Variants in TENM4 observed in about 807,000 individuals in gnomAD.
TENM4 encodes teneurin-4.
TENM4 carries 82 observed loss-of-function variants against 243.3 expected under a neutral mutation model. The ratio of observed to expected loss-of-function variants is 0.34; its 90% CI spans 0.28 to 0.40. TENM4 has a LOEUF of 0.40. Among genes scored for constraint, TENM4 ranks in the 10% least tolerant of loss-of-function variants. The pLI, the probability that TENM4 is intolerant of heterozygous loss-of-function variation, is 1.00. For missense variants in TENM4, 3,138 were observed against 3,673.3 expected (o/e 0.85, Z 3.77); for synonymous variants, 1,412 against 1,456.3 (o/e 0.97, Z 0.69).
intron 6 of TENM4, among the ~76,000 whole-genome samples, chr11:78,961,370 G>A (rs1483779774): frequency 6.6e-6 from 1 of 152,144 alleles, no homozygotes; most frequent in African/African-American, 2.4e-5. Context: ...ACTGGCCTCT[G>A]CTGGACAGAG....
chr11:79,123,320 AT>A (rs1482672013), intron 4 of TENM4, among the ~76,000 whole-genome samples: 1 of 152,168 alleles, frequency 6.6e-6, no homozygotes, highest in Non-Finnish European at 1.5e-5. Flanking sequence ...ATACTGAGAT[AT>A]TGAAAAGTTA....
chr11:79,002,689 C>T lies in TENM4; in HGVS notation c.493+62049G>A, dbSNP rs549483314. On this transcript the variant is annotated intron_variant, in intron 6 of 33. Transcript: ENST00000278550. ...CTTGAAAGACTGAAGGAACATCAGC[C>T]CACACAGATGAGAAAGAACTAGTGC... Among the ~76,000 whole-genome samples the T allele has an allele frequency of 1.1e-3, 170 of 152,236 alleles. 2 individuals carry two copies. The highest frequency in any genetic ancestry group is 3.8e-3 in the African/African-American group (158 of 41,530).
At chr11:79,390,333 G>A (rs953481690) in intron 1 of TENM4, among the ~76,000 whole-genome samples, 2 of 152,226 alleles carry the variant, frequency 1.3e-5, no homozygotes, top group African/African-American at 2.4e-5. Flanking sequence ...TAATGGGAAA[G>A]GGCTAGAGTC....
intron 7 of TENM4, among the ~76,000 whole-genome samples, chr11:78,901,558 G>C (rs1395607824): frequency 6.6e-6 from 1 of 152,038 alleles, no homozygotes; most frequent in Non-Finnish European, 1.5e-5. Context: ...CTCAGAATAG[G>C]AAGTTCTAAC....
At chr11:78,889,109 C>A (rs1166582378) in intron 9 of TENM4, among the ~76,000 whole-genome samples, 3 of 152,186 alleles carry the variant, frequency 2.0e-5, no homozygotes, top group African/African-American at 7.2e-5. Context: ...TCGGGAGGAG[C>A]TCCTTATATC....
intron 4 of TENM4, among the ~76,000 whole-genome samples, chr11:79,120,101 C>A (rs2137127871): frequency 6.6e-6 from 1 of 152,124 alleles, no homozygotes; most frequent in Non-Finnish European, 1.5e-5. Context: ...AGCACAAAGC[C>A]CTCATTGTTG....
At chr11:78,920,865 C>T (rs1200958849) in intron 6 of TENM4, among the ~76,000 whole-genome samples, 1 of 152,160 alleles carries the variant, frequency 6.6e-6, no homozygotes, top group Non-Finnish European at 1.5e-5. Context: ...TCAGGTCAAC[C>T]AAAGAGTGCA....
chr11:78,775,709 T>C (rs1489196652), intron 17 of TENM4, among the ~76,000 whole-genome samples: 1 of 152,204 alleles, frequency 6.6e-6, no homozygotes, highest in Non-Finnish European at 1.5e-5. Flanking sequence ...AACTCATCAA[T>C]AATTCAGACA....
intron 4 of TENM4, among the ~76,000 whole-genome samples, chr11:79,140,646 GA>G (rs1441894174): frequency 6.6e-6 from 1 of 152,116 alleles, no homozygotes; most frequent in East Asian, 1.9e-4. Context: ...GACCACCACA[GA>G]AGAAGTCTGC....
At chr11:78,873,840 T>A (rs1014015176) in intron 9 of TENM4, among the ~76,000 whole-genome samples, 12 of 152,114 alleles carry the variant, frequency 7.9e-5, no homozygotes, top group African/African-American at 2.4e-4. Flanking sequence ...TGTGTGGATT[T>A]CTCTGTCTCT....
intron 6 of TENM4, among the ~76,000 whole-genome samples, chr11:79,009,551 G>A (rs369317705): frequency 1.3e-5 from 2 of 152,152 alleles, no homozygotes; most frequent in African/African-American, 4.8e-5. Flanking sequence ...CTGAGATTCA[G>A]GTTCTTTAAT....
chr11:78,867,349 T>C (rs1309432304), intron 9 of TENM4, among the ~76,000 whole-genome samples: 2 of 152,176 alleles, frequency 1.3e-5, no homozygotes, highest in African/African-American at 2.4e-5. Flanking sequence ...TGAGTGAGAA[T>C]ACAGCAAAGT....
intron 6 of TENM4, among the ~76,000 whole-genome samples, chr11:78,907,688 G>C (rs978359718): frequency 5.3e-5 from 8 of 152,168 alleles, no homozygotes; most frequent in African/African-American, 1.9e-4. Flanking sequence ...AGCTGTGCCT[G>C]ATGCATGGTA....
intron 4 of TENM4, among the ~76,000 whole-genome samples, chr11:79,099,662 A>G (rs866457281): frequency 6.6e-5 from 10 of 152,306 alleles, no homozygotes; most frequent in South Asian, 2.1e-4. Flanking sequence ...CAGCTCTTCA[A>G]TGCTGACACC....
chr11:78,923,740 A>G (rs1424611195), intron 6 of TENM4, among the ~76,000 whole-genome samples: 1 of 114,140 alleles, frequency 8.8e-6, no homozygotes, highest in African/African-American at 3.2e-5. Context: ...GGGTTTCACC[A>G]TGTTGGCCAG....
chr11:79,220,711 T>C (rs1864139613), intron 2 of TENM4, among the ~76,000 whole-genome samples: 1 of 152,224 alleles, frequency 6.6e-6, no homozygotes, highest in Non-Finnish European at 1.5e-5. Context: ...TGTCTTATAA[T>C]TATTCATCTT....
intron 12 of TENM4, among the ~76,000 whole-genome samples, chr11:78,835,222 C>T (rs1858075067): frequency 6.6e-6 from 1 of 152,168 alleles, no homozygotes; most frequent in East Asian, 1.9e-4. Context: ...AAAAACAGCA[C>T]ACTGGCCGGG....
chr11:79,152,781 C>T (rs1181342414), intron 3 of TENM4, among the ~76,000 whole-genome samples: 7 of 152,186 alleles, frequency 4.6e-5, no homozygotes, highest in Non-Finnish European at 8.8e-5. Flanking sequence ...AGCATGACTT[C>T]CTGGACATAG....
At chr11:79,143,773 C>A (rs182995969) in intron 4 of TENM4, among the ~76,000 whole-genome samples, 66 of 151,874 alleles carry the variant, frequency 4.3e-4, no homozygotes, top group Non-Finnish European at 7.7e-4. Context: ...TAGATCCCTA[C>A]CTCTCACCAT....
Sources: gnomAD v4.1 joint callset for allele counts (sites outside exome capture counted in the v4.1 genomes callset) on GRCh38, gnomAD v4.1.1 for gene constraint, MANE v1.5 for transcripts, NCBI Gene and HGNC (gene_info 2026-07-23, HGNC 2026-07-21) for gene names.